TMEM132D: variants seen among roughly 807,000 people sequenced by gnomAD.
The protein encoded by TMEM132D is mature OL transmembrane protein.
Under a neutral mutation model 62.3 loss-of-function variants are expected in TMEM132D, and 21 were observed. The observed-to-expected ratio is 0.34, with a 90% CI of 0.24 to 0.49. The LOEUF is 0.49. TMEM132D is among the 20% of genes least tolerant of loss of function. The pLI is 0.99. For synonymous variants in TMEM132D, 621 were observed against 575.6 expected, an observed-to-expected ratio of 1.08 and a Z score of -1.13; for missense variants, 1,346 against 1,402.8, an observed-to-expected ratio of 0.96 and a Z score of 0.65.
rs372387018 is a variant in TMEM132D at position 129,239,712 on chromosome 12, A to G, written c.1300-30049T>C. 1.0e-3 allele frequency among the ~76,000 whole-genome samples: 155 copies of G among 152,324 alleles called. 1 individual carries two copies. The highest frequency in any genetic ancestry group is 3.5e-3 in the African/African-American group (147 of 41,582). On this transcript the variant is annotated intron_variant, in intron 4 of 8. Transcript: ENST00000422113. Reference sequence around the variant, plus strand: ...CCAAGGAATGCCAAAGATTGCTGGCAACCACTGGAGGTCAGGAAGAGGCAA... The same window carrying G: ...CCAAGGAATGCCAAAGATTGCTGGCGACCACTGGAGGTCAGGAAGAGGCAA...
At chr12:129,572,739 G>A (rs560749238) in intron 2 of TMEM132D, among the ~76,000 whole-genome samples, 49 of 152,094 alleles carry the variant, frequency 3.2e-4, no homozygotes, top group Middle Eastern at 3.4e-3. Context: ...GTGAGCCAGC[G>A]CGCCCGGCCC....
At chr12:129,802,207 G>A (rs1173131159) in intron 1 of TMEM132D, among the ~76,000 whole-genome samples, 7 of 149,812 alleles carry the variant, frequency 4.7e-5, no homozygotes, top group East Asian at 2.0e-4. Flanking sequence ...GATACTCCTC[G>A]AGAAGAGCAA....
In TMEM132D at chr12:129,700,424, T is replaced by C. The variant is rs147628512; in HGVS notation, c.354A>G (p.Gly118=). The C allele has an allele frequency of 4.6e-3, 7,475 of 1,614,076 alleles. 25 individuals are homozygous for C. Among genetic ancestry groups the C allele is most frequent in the Non-Finnish European group, 5.6e-3 (6,620 of 1,180,032 alleles). Residue 118 remains glycine, a synonymous_variant, in exon 2 of 9, where the codon GGA becomes GGG. Coordinates refer to ENST00000422113, the MANE Select transcript of TMEM132D (RefSeq NM_133448.3). ...QDLMLPSNPF[G]FTNKFSLNWK... Reference sequence around the variant, plus strand: ...AGTTAAGAGAAAATTTGTTGGTGAATCCAAATGGGTTGGAAGGTAGCATTA... The same window carrying C: ...AGTTAAGAGAAAATTTGTTGGTGAACCCAAATGGGTTGGAAGGTAGCATTA...
chr12:129,245,811 T>G (rs1445301207), intron 4 of TMEM132D, among the ~76,000 whole-genome samples: 2 of 152,212 alleles, frequency 1.3e-5, no homozygotes, highest in Admixed American at 6.5e-5. Context: ...CAGATCTGCC[T>G]GCAGATGTGT....
chr12:129,295,956 G>A (rs996516200), intron 4 of TMEM132D, among the ~76,000 whole-genome samples: 8 of 151,752 alleles, frequency 5.3e-5, no homozygotes, highest in African/African-American at 1.9e-4. Flanking sequence ...CACAAATGTG[G>A]AACTCGAAAA....
chr12:129,218,184 A>G (rs1245867773), intron 4 of TMEM132D, among the ~76,000 whole-genome samples: 1 of 152,176 alleles, frequency 6.6e-6, no homozygotes, highest in Non-Finnish European at 1.5e-5. Context: ...CAGCTTTTAA[A>G]TTCATCCTCT....
At position 129,299,420 on chromosome 12, in the gene TMEM132D, CTTT is replaced by C. The variant is rs34775349; in HGVS notation, c.1299+38211_1299+38213del. On this transcript the variant is annotated intron_variant, in intron 4 of 8. Transcript: ENST00000422113. ...CTCTTTTCTGTTTCACATAGTTGAACTTTTTTTTTTTTTTTTTTGCCAATTGCA... is the reference window on the plus strand; with the variant it reads ...CTCTTTTCTGTTTCACATAGTTGAACTTTTTTTTTTTTTTTGCCAATTGCA... 1.1e-3 allele frequency among the ~76,000 whole-genome samples: 135 copies of C among 127,644 alleles called. 1 individual carries two copies. Among genetic ancestry groups the C allele is most frequent in the African/African-American group, 3.4e-3 (116 of 34,186 alleles). The allele number at this position is 127,644 out of a possible 152,430, so 83.7% of individuals were successfully genotyped here.
intron 1 of TMEM132D, chr12:129,853,703 C>T (rs1352329738): frequency 6.6e-6 from 1 of 152,124 alleles, no homozygotes; most frequent in Non-Finnish European, 1.5e-5. Context: ...AAGACAGCTC[C>T]TGTGTAGTCG....
intron 5 of TMEM132D, among the ~76,000 whole-genome samples, chr12:129,106,405 T>C (rs1158865099): frequency 2.0e-5 from 3 of 151,278 alleles, no homozygotes; most frequent in African/African-American, 7.3e-5. Flanking sequence ...ACCCTAAAAC[T>C]TAAAGTATAA....
Position 129,078,677 on chromosome 12 carries a change from C to T in TMEM132D, c.1972G>A (p.Val658Met), listed in dbSNP as rs2135611447. ...GTGATGGTCACCTTCTCGTCCAGCACAGTGATGGTCTTTTCAGCGAGGATG... is the reference window on the plus strand; with the variant it reads ...GTGATGGTCACCTTCTCGTCCAGCATAGTGATGGTCTTTTCAGCGAGGATG... ...DTILAEKTIT[V>M]LDEKVTITDL... The change falls in exon 8 of 9, where the codon GTG becomes ATG. Residue 658 changes from valine to methionine, a missense_variant. Physicochemically the swap from Val to Met is conservative, Grantham distance 21. Coordinates refer to ENST00000422113, the MANE Select transcript of TMEM132D (RefSeq NM_133448.3). 1.2e-6 allele frequency: 2 copies of T among 1,614,174 alleles called. No individual in the cohort carries two copies. The highest frequency in any genetic ancestry group is 1.7e-6 in the Non-Finnish European group (2 of 1,180,034).
At chr12:129,308,221 G>A (rs1001401462) in intron 4 of TMEM132D, among the ~76,000 whole-genome samples, 1 of 152,114 alleles carries the variant, frequency 6.6e-6, no homozygotes, top group Non-Finnish European at 1.5e-5. Flanking sequence ...TTTGATACCT[G>A]CAATTTTTAC....
At chr12:129,251,867 G>A (rs1042754316) in intron 4 of TMEM132D, among the ~76,000 whole-genome samples, 1 of 152,104 alleles carries the variant, frequency 6.6e-6, no homozygotes, top group Non-Finnish European at 1.5e-5. Context: ...GTGACCCCTT[G>A]ATCATCAGGC....
intron 2 of TMEM132D, among the ~76,000 whole-genome samples, chr12:129,637,873 TCA>T (rs1486457352): frequency 2.0e-5 from 3 of 152,074 alleles, no homozygotes. Flanking sequence ...TAGAACTCAC[TCA>T]CCCACTCACT....
intron 3 of TMEM132D, among the ~76,000 whole-genome samples, chr12:129,469,365 G>T (rs181174654): frequency 2.0e-5 from 3 of 152,070 alleles, no homozygotes; most frequent in East Asian, 1.9e-4. Context: ...TGTGCCCCCC[G>T]TGTCACCTGG....
chr12:129,176,545 A>G lies in TMEM132D; in HGVS notation c.1443+32975T>C, dbSNP rs552954049. ...CAAGAAGATGGTCTTTCCTTCTCTG[A>G]TCTAGGGAGGGGACTCCTTGCCTCC... On this transcript the variant is annotated intron_variant, in intron 5 of 8. Transcript: ENST00000422113. Among the ~76,000 whole-genome samples, 4 of 152,328 alleles carry G rather than the reference A, an allele frequency of 2.6e-5. No individual in the cohort carries two copies. In the South Asian group the frequency reaches 6.2e-4, roughly 24 times the overall value.
At position 129,700,523 on chromosome 12, in the gene TMEM132D, G is replaced by A. The variant is rs758284214; in HGVS notation, c.255C>T (p.Tyr85=). The A allele has an allele frequency of 1.2e-6, 2 of 1,614,006 alleles. No individual in the cohort carries two copies. Among genetic ancestry groups the A allele is most frequent in the Admixed American group, 3.3e-5 (2 of 60,010 alleles). ...LQSRVESFLI[Y]KSRRLPVLNA... ...TGAGGACAGGCAGCCTCCTGGATTT[G>A]TAAATCAGAAATGACTCCACCCGGG... Residue 85 remains tyrosine, a synonymous_variant, in exon 2 of 9, where the codon TAC becomes TAT. Coordinates refer to ENST00000422113, the MANE Select transcript of TMEM132D (RefSeq NM_133448.3).
chr12:129,745,683 A>G (rs1250255238), intron 1 of TMEM132D, among the ~76,000 whole-genome samples: 2 of 152,242 alleles, frequency 1.3e-5, no homozygotes, highest in Non-Finnish European at 2.9e-5. Context: ...AGTTACTTGT[A>G]TCACCATAAA....
At chr12:129,151,433 G>A (rs1877068442) in intron 5 of TMEM132D, among the ~76,000 whole-genome samples, 4 of 152,220 alleles carry the variant, frequency 2.6e-5, no homozygotes, top group Admixed American at 6.5e-5. Flanking sequence ...AGGGGGCTGG[G>A]AGCGGCTGAC....
chr12:129,089,512 CGGGTGTCCTCCA>C, intron 5 of TMEM132D, among the ~76,000 whole-genome samples: 1 of 49,584 alleles, frequency 2.0e-5, no homozygotes, highest in Non-Finnish European at 4.1e-5. Flanking sequence ...CCTCTATGAC[CGGGTGTCCTCCA>C]TGACCGGGTG....
Sources: allele counts gnomAD v4.1 joint callset (sites outside exome capture counted in the v4.1 genomes callset), GRCh38; gene constraint gnomAD v4.1.1; transcripts MANE v1.5; gene names NCBI Gene and HGNC (gene_info 2026-07-23, HGNC 2026-07-21).